TMEM117: variants seen among roughly 807,000 people sequenced by gnomAD.
TMEM117 encodes transmembrane protein 117.
In TMEM117, 27 loss-of-function variants were observed where a neutral mutation model predicts 52.4. The ratio of observed to expected loss-of-function variants is 0.51; its 90% confidence interval spans 0.38 to 0.71. The LOEUF (loss-of-function observed/expected upper bound fraction) is 0.71. TMEM117 is among the 30% of genes least tolerant of loss of function. The probability of loss-of-function intolerance (pLI) is 0.00; values close to 1 mark genes in which losing one functional copy is unlikely to be tolerated. For synonymous variants in TMEM117, 215 were observed against 206.3 expected (o/e 1.04, Z -0.36); for missense variants, 556 against 630.5 (o/e 0.88, Z 1.26).
chr12:44,392,640 A>T (rs1447593162), downstream of TMEM117, among the ~76,000 whole-genome samples: 1 of 151,580 alleles, frequency 6.6e-6, no homozygotes, highest in Non-Finnish European at 1.5e-5. Context: ...GTCATTTAAC[A>T]TTAGGCATAT....
At chr12:44,032,079 A>C (rs550228003) in intron 3 of TMEM117, among the ~76,000 whole-genome samples, 3 of 152,230 alleles carry the variant, frequency 2.0e-5, no homozygotes, top group Non-Finnish European at 4.4e-5. Flanking sequence ...TACTCAACTC[A>C]TAGGTATTTG....
rs117036216 is a variant in TMEM117, at chr12:44,243,020, T to A, written c.608+31633T>A. 1.9e-3 allele frequency among the ~76,000 whole-genome samples: 291 copies of A among 152,174 alleles called. 7 individuals carry two copies. The East Asian group carries it at 0.035, about 18-fold the overall frequency. The stretch of plus-strand genomic sequence containing the variant: ...CTAATGATCACTGATATTGAGCATT[T>A]TTTCATATCCTTGTTGGCCACATGT... On this transcript the variant is annotated intron_variant, in intron 5 of 7. Coordinates refer to ENST00000266534, the MANE Select transcript of TMEM117 (RefSeq NM_032256.3).
chr12:44,281,831 T>C lies in TMEM117; in HGVS notation c.609-17749T>C, dbSNP rs532873808. Among the ~76,000 whole-genome samples the C allele has an allele frequency of 1.8e-4, 28 of 152,332 alleles. 1 individual carries two copies. In the South Asian group the frequency reaches 5.8e-3, roughly 32 times the overall value. On this transcript the variant is annotated intron_variant, in intron 5 of 7. Coordinates refer to ENST00000266534, the MANE Select transcript of TMEM117 (RefSeq NM_032256.3). ...GCATTAATCTATTGCCATATCTTTA[T>C]TATGACTTTCTTTACCAATCTTGCA...
At chr12:43,893,580 C>G (rs957791730) in intron 2 of TMEM117, among the ~76,000 whole-genome samples, 2 of 152,170 alleles carry the variant, frequency 1.3e-5, no homozygotes, top group African/African-American at 4.8e-5. Context: ...CTCCATGATT[C>G]ATTATATACT....
intron 3 of TMEM117, among the ~76,000 whole-genome samples, chr12:43,979,217 A>G (rs1039217120): frequency 6.6e-6 from 1 of 152,018 alleles, no homozygotes; most frequent in Non-Finnish European, 1.5e-5. Flanking sequence ...GTTAATATGT[A>G]TCCAAGATAC....
chr12:44,095,053 A>C (rs1404314692), intron 3 of TMEM117, among the ~76,000 whole-genome samples: 1 of 152,062 alleles, frequency 6.6e-6, no homozygotes, highest in Non-Finnish European at 1.5e-5. Context: ...TCAGGGCAAA[A>C]AAATCGTCTG....
chr12:43,944,400 T>A, intron 3 of TMEM117, 58 bp downstream of exon 3: 1 of 1,511,808 alleles, frequency 6.6e-7, no homozygotes, highest in South Asian at 1.3e-5. Flanking sequence ...CTTGTAAGAA[T>A]TTAAGAGTTT....
At chr12:44,029,389 G>C (rs1489311919) in intron 3 of TMEM117, among the ~76,000 whole-genome samples, 1 of 152,176 alleles carries the variant, frequency 6.6e-6, no homozygotes, top group Non-Finnish European at 1.5e-5. Context: ...CCTTAGGCAT[G>C]TACAGGCATG....
At chr12:44,040,290 A>G (rs922422070) in intron 3 of TMEM117, among the ~76,000 whole-genome samples, 3 of 151,170 alleles carry the variant, frequency 2.0e-5, no homozygotes, top group Non-Finnish European at 3.0e-5. Context: ...TTAAATTATG[A>G]TCATATTTAA....
chr12:43,906,898 A>G (rs1944400899), intron 2 of TMEM117, among the ~76,000 whole-genome samples: 2 of 152,232 alleles, frequency 1.3e-5, no homozygotes, highest in Non-Finnish European at 2.9e-5. Context: ...TCAAACTGCA[A>G]GGCGGCAGCG....
At chr12:44,010,422 C>T (rs1946271299) in intron 3 of TMEM117, among the ~76,000 whole-genome samples, 1 of 152,154 alleles carries the variant, frequency 6.6e-6, no homozygotes, top group Non-Finnish European at 1.5e-5. Flanking sequence ...GCAAGTGAAG[C>T]TCCAAGATTT....
the TMEM117 span, among the ~76,000 whole-genome samples, chr12:43,811,012 C>T: frequency 6.6e-6 from 1 of 152,156 alleles, no homozygotes; most frequent in Non-Finnish European, 1.5e-5. Context: ...TATATTGGCA[C>T]ATATGTGTTT....
chr12:44,203,415 C>T (rs1014000877), intron 4 of TMEM117, among the ~76,000 whole-genome samples: 5 of 151,864 alleles, frequency 3.3e-5, no homozygotes, highest in Admixed American at 1.3e-4. Flanking sequence ...CTTTTTGTTT[C>T]GTTCATCTTC....
intron 4 of TMEM117, among the ~76,000 whole-genome samples, chr12:44,208,006 A>G (rs1197912698): frequency 6.6e-6 from 1 of 152,146 alleles, no homozygotes; most frequent in Non-Finnish European, 1.5e-5. Context: ...AAAATCCATT[A>G]AGAGCTTTGT....
chr12:44,027,944 G>A (rs1270342522), intron 3 of TMEM117, among the ~76,000 whole-genome samples: 4 of 152,106 alleles, frequency 2.6e-5, no homozygotes, highest in Admixed American at 6.5e-5. Context: ...GGTGGCTCAC[G>A]CCTGTAATCC....
In TMEM117 at chr12:44,085,807, G is replaced by A. The variant is rs148729875; in HGVS notation, c.411-57718G>A. ...TTACTGAACATAACAATTACAAAAT[G>A]TATAAAAACACTGTCTCTTTGGGCT... On this transcript the variant is annotated intron_variant, in intron 3 of 7. Coordinates refer to ENST00000266534, the MANE Select transcript of TMEM117 (RefSeq NM_032256.3). Among the ~76,000 whole-genome samples, 417 of 152,182 alleles carry A rather than the reference G, an allele frequency of 2.7e-3. 3 individuals are homozygous for A. The highest frequency in any genetic ancestry group is 0.019 in the East Asian group (99 of 5,188).
chr12:44,008,692 A>C, intron 3 of TMEM117: 1 of 321,702 alleles, frequency 3.1e-6, no homozygotes, highest in South Asian at 3.5e-5. Context: ...TCAACCACCT[A>C]CTAAAGTTTC....
chr12:43,804,520 T>C, the TMEM117 span: 2 of 1,600,394 alleles, frequency 1.2e-6, no homozygotes. Flanking sequence ...TTTTCAGAAG[T>C]CTGTACTTTC....
chr12:44,143,583 G>A lies in TMEM117; in HGVS notation c.469G>A (p.Ala157Thr), dbSNP rs1264698037. ...AAATGAAAGTTTCATGAAATTAGCTGCAGTAGGGACCTGGATGGGGGACTT... is the reference window on the plus strand; with the variant it reads ...AAATGAAAGTTTCATGAAATTAGCTACAGTAGGGACCTGGATGGGGGACTT... ...IRNESFMKLA[A>T]VGTWMGDFVT... is the part of the protein sequence containing the mutation. The change falls in exon 4 of 8, where the codon GCA becomes ACA. Residue 157 changes from alanine to threonine, a missense_variant. Physicochemically the swap from Ala to Thr is moderately conservative, Grantham distance 58 (BLOSUM62 0). This residue lies in a region of TMEM117 where 328 missense variants were observed against 371.4 expected (regional missense o/e 0.88). Transcript: ENST00000266534. The A allele has an allele frequency of 6.2e-7, 1 of 1,614,034 alleles. No individual in the cohort carries two copies. Among genetic ancestry groups the A allele is most frequent in the Non-Finnish European group, 8.5e-7 (1 of 1,179,938 alleles).
Sources: gnomAD v4.1 joint callset for allele counts (sites outside exome capture counted in the v4.1 genomes callset) on GRCh38, gnomAD v4.1.1 for gene constraint, gnomAD v4.1.1 regional missense constraint, MANE v1.5 for transcripts, NCBI Gene and HGNC (gene_info 2026-07-23, HGNC 2026-07-21) for gene names.